CFAP70: variants seen among roughly 807,000 people sequenced by gnomAD.
CFAP70 encodes cilia and flagella associated protein 70.
A neutral mutation model predicts 137.6 loss-of-function variants in CFAP70; 81 were observed. That is an observed-to-expected ratio of 0.59 (90% CI 0.49 to 0.71). The LOEUF (loss-of-function observed/expected upper bound fraction) is 0.71. Among genes scored for constraint, CFAP70 ranks in the 30% least tolerant of loss-of-function variants. The probability of loss-of-function intolerance (pLI) is 0.00; values close to 1 mark genes in which losing one functional copy is unlikely to be tolerated. For synonymous variants in CFAP70, 382 were observed against 423.6 expected (o/e 0.90, Z 1.20); for missense variants, 976 against 1,226.7 (o/e 0.80, Z 3.05).
exon 6 of CFAP70, chr10:73,341,445 A>G: frequency 6.2e-7 from 1 of 1,614,204 alleles, no homozygotes; most frequent in Non-Finnish European, 8.5e-7. Context: ...GGGACCACCA[A>G]CAATGAATGC....
intron 9 of CFAP70, among the ~76,000 whole-genome samples, chr10:73,319,019 G>A (rs1447859775): frequency 6.6e-6 from 1 of 152,130 alleles, no homozygotes; most frequent in Non-Finnish European, 1.5e-5. Context: ...GGAAATAATA[G>A]AAAATTCTGA....
chr10:73,301,854 C>T (rs1274479417), intron 12 of CFAP70, among the ~76,000 whole-genome samples: 1 of 151,998 alleles, frequency 6.6e-6, no homozygotes, highest in East Asian at 1.9e-4. Flanking sequence ...CATGAACACC[C>T]AATCATCACG....
At chr10:73,318,921 A>G (rs72812293) in intron 9 of CFAP70, among the ~76,000 whole-genome samples, 9,236 of 152,286 alleles carry the variant, frequency 0.061, 389 homozygotes, top group Non-Finnish European at 0.098. Context: ...AGTTTTTACC[A>G]ATTACGCTTC....
intron 16 of CFAP70, among the ~76,000 whole-genome samples, chr10:73,293,018 G>T (rs1418383948): frequency 6.6e-6 from 1 of 151,978 alleles, no homozygotes; most frequent in Non-Finnish European, 1.5e-5. Context: ...TTAAGGTTGA[G>T]GTTTATTTTA....
exon 3 of CFAP70, chr10:73,353,664 T>A: frequency 6.2e-7 from 1 of 1,614,202 alleles, no homozygotes; most frequent in Middle Eastern, 1.6e-4. Context: ...GAAACAGTAA[T>A]TTTTGCAGAG....
intron 3 of CFAP70, among the ~76,000 whole-genome samples, chr10:73,351,429 GTTTGTT>G (rs562332241): frequency 2.0e-5 from 3 of 148,496 alleles, no homozygotes; most frequent in East Asian, 2.0e-4. Context: ...TTGTTTTTTT[GTTTGTT>G]TTTGTTTTTG....
chr10:73,254,038 C>G, exon 27 of CFAP70: 1 of 1,582,994 alleles, frequency 6.3e-7, no homozygotes, highest in African/African-American at 1.4e-5. Flanking sequence ...CAAGCAGAGC[C>G]TCATCTTTCA....
rs888975653 is a variant in CFAP70 at position 73,311,724 on chromosome 10, A to G, written c.1164+110T>C. 2.3e-5 allele frequency: 21 copies of G among 907,374 alleles called. No homozygotes were observed. In the African/African-American group the frequency reaches 3.2e-4, roughly 14 times the overall value. 56.2% of individuals were successfully genotyped at this position (907,374 alleles called of 1,614,324 possible). On this transcript the variant is annotated intron_variant, in intron 11 of 26. Coordinates refer to ENST00000310715, the Ensembl canonical transcript of CFAP70. ...GTCATAGACAACTAGTCATGGGCAA[A>G]TATGGAATGATAACTAACATCCTGC...
At chr10:73,285,159 T>G (rs2047598774) in intron 19 of CFAP70, among the ~76,000 whole-genome samples, 1 of 152,034 alleles carries the variant, frequency 6.6e-6, no homozygotes, top group Non-Finnish European at 1.5e-5. Flanking sequence ...AATACAATAC[T>G]AGGTTAAATT....
intron 9 of CFAP70, among the ~76,000 whole-genome samples, chr10:73,316,471 TATATATATAGATATAG>T (rs1463104133): frequency 5.2e-4 from 61 of 116,748 alleles, no homozygotes; most frequent in African/African-American, 2.0e-3. Flanking sequence ...GAGATATATA[TATATATATAGATATAG>T]ATATATATAT....
Position 73,265,719 on chromosome 10 carries a change from T to C in CFAP70, c.3027+3895A>G, listed in dbSNP as rs2045687505. Among the ~76,000 whole-genome samples, 3 of 152,222 alleles carry C rather than the reference T, an allele frequency of 2.0e-5. No homozygotes were observed. In the South Asian group the frequency reaches 6.2e-4, roughly 32 times the overall value. On this transcript the variant is annotated intron_variant, in intron 25 of 26. Coordinates refer to ENST00000310715, the Ensembl canonical transcript of CFAP70. ...ATACCATCTACTCAAAACCTAAGTT[T>C]CCATATATATGTCAGTCTATTTCTG... is the stretch of plus-strand genomic sequence containing the variant.
At chr10:73,336,789 C>T (rs184811028) in intron 6 of CFAP70, among the ~76,000 whole-genome samples, 2,326 of 151,670 alleles carry the variant, frequency 0.015, 15 homozygotes, top group Non-Finnish European at 0.022. Context: ...AGGGTTTCAC[C>T]GTGGTCTCGA....
intron 12 of CFAP70, among the ~76,000 whole-genome samples, chr10:73,303,305 C>A (rs1286447849): frequency 6.6e-6 from 1 of 152,120 alleles, no homozygotes; most frequent in Non-Finnish European, 1.5e-5. Context: ...GCAAGCTCTG[C>A]CTCCTGGGTT....
At chr10:73,269,994 G>A (rs2046116436) in intron 24 of CFAP70, among the ~76,000 whole-genome samples, 1 of 152,098 alleles carries the variant, frequency 6.6e-6, no homozygotes, top group African/African-American at 2.4e-5. Context: ...GGTCCCATCA[G>A]GACATCTATA....
At chr10:73,291,265 T>G in exon 19 of CFAP70, 1 of 1,614,180 alleles carries the variant, frequency 6.2e-7, no homozygotes, top group Non-Finnish European at 8.5e-7. Flanking sequence ...GCAGAACCAT[T>G]TGTGATTCCC....
chr10:73,331,337 G>A, intron 7 of CFAP70, 61 bp from the exon 9 acceptor site: 1 of 1,373,298 alleles, frequency 7.3e-7, no homozygotes, highest in Non-Finnish European at 1.0e-6. Flanking sequence ...TATAATTTAG[G>A]TTAAAGGGAA....
At chr10:73,348,336 A>C in intron 4 of CFAP70, 87 bp downstream of exon 4, 1 of 1,520,006 alleles carries the variant, frequency 6.6e-7, no homozygotes, top group East Asian at 2.3e-5. Context: ...AATCCCTCAA[A>C]TTCATTGAGG....
At chr10:73,292,497 G>C (rs945162059) in intron 16 of CFAP70, among the ~76,000 whole-genome samples, 8 of 152,234 alleles carry the variant, frequency 5.3e-5, no homozygotes, top group Admixed American at 4.6e-4. Context: ...ACTTAATATT[G>C]TTAAGATGTC....
chr10:73,348,977 G>A (rs1253449107), intron 3 of CFAP70, among the ~76,000 whole-genome samples: 2 of 151,330 alleles, frequency 1.3e-5, no homozygotes, highest in African/African-American at 4.9e-5. Flanking sequence ...CAGGAGAATC[G>A]CTTGAACCTG....
Sources: allele counts gnomAD v4.1 joint callset (sites outside exome capture counted in the v4.1 genomes callset), GRCh38; gene constraint gnomAD v4.1.1; transcripts MANE v1.5; gene names NCBI Gene and HGNC (gene_info 2026-07-23, HGNC 2026-07-21).